The following WDCP variants were observed in gnomAD, a reference collection of about 807,000 sequenced individuals.
WDCP encodes WD repeat and coiled coil containing, also known as WD repeat and coiled-coil-containing protein.
In WDCP, 19 loss-of-function variants were observed where a neutral mutation model predicts 41.6. That is an observed-to-expected ratio of 0.46 (90% CI 0.32 to 0.67). WDCP has a LOEUF of 0.67. WDCP is among the 30% of genes least tolerant of loss of function. The pLI is 0.04. For synonymous variants in WDCP, 302 were observed against 320.8 expected (o/e 0.94, Z 0.63); for missense variants, 802 against 850.7 (o/e 0.94, Z 0.71).
intron 2 of WDCP, among the ~76,000 whole-genome samples, chr2:24,033,482 C>T (rs535496705): frequency 8.5e-5 from 13 of 152,156 alleles, no homozygotes; most frequent in Non-Finnish European, 1.5e-4. Context: ...TGGCTCACCC[C>T]TTAGTACCAA....
chr2:24,038,721 G>A lies in WDCP; in HGVS notation c.774C>T (p.Arg258=), dbSNP rs1663332621. ...AATCAGTTGCCTCTTTATCCATAGA[G>A]CGTACTTCACCAATAACTGGTAAAG... is the stretch of plus-strand genomic sequence containing the variant. ...PYALPVIGEV[R]SMDKEATDSE... The change falls in exon 2 of 4, where the codon CGC becomes CGT. Residue 258 remains arginine (R), a synonymous_variant. Coordinates refer to ENST00000295148, the MANE Select transcript of WDCP (RefSeq NM_025203.3). 6.2e-7 allele frequency: 1 copy of A among 1,614,170 alleles called. No homozygotes were observed. The highest frequency in any genetic ancestry group is 8.5e-7 in the Non-Finnish European group (1 of 1,180,004).
rs1337863408 is a variant in WDCP, at chr2:24,039,338, C to G, written c.157G>C (p.Val53Leu). The change falls in exon 2 of 4, where the codon GTC becomes CTC. Residue 53 changes from valine to leucine, a missense_variant. Coordinates refer to ENST00000295148, the MANE Select transcript of WDCP (RefSeq NM_025203.3). ...SGEVKFGDSK[V>L]IGQFECVCGL... ...CAGACACATTCAAACTGTCCAATGA[C>G]TTTGGAGTCCCCAAACTTGACCTCT... The G allele has an allele frequency of 3.1e-6, 5 of 1,614,142 alleles. No homozygotes were observed. Among genetic ancestry groups the G allele is most frequent in the Non-Finnish European group, 4.2e-6 (5 of 1,180,050 alleles).
rs143637814 is a variant in WDCP, at chr2:24,040,886, C to T, written c.-18-1374G>A. Among the ~76,000 whole-genome samples, 5 of 152,172 alleles carry T rather than the reference C, an allele frequency of 3.3e-5. No individual in the cohort carries two copies. In the East Asian group the frequency reaches 9.6e-4, roughly 29 times the overall value. On this transcript the variant is annotated intron_variant, in intron 1 of 3. Coordinates refer to ENST00000295148, the MANE Select transcript of WDCP (RefSeq NM_025203.3). ...ACAAAATTAGCCAAGTGTGGTGGTG[C>T]ATGCCTATACTCCCAGCTACTTAGA...
At chr2:24,045,235 A>G (rs1215441319) in intron 1 of WDCP, among the ~76,000 whole-genome samples, 1 of 152,230 alleles carries the variant, frequency 6.6e-6, no homozygotes, top group Non-Finnish European at 1.5e-5. Context: ...GGAAAAAAGA[A>G]TTAAGGATAA....
At chr2:24,032,492 G>A (rs921636826) in intron 3 of WDCP, among the ~76,000 whole-genome samples, 1 of 152,134 alleles carries the variant, frequency 6.6e-6, no homozygotes, top group Non-Finnish European at 1.5e-5. Context: ...GGCAGAGCAA[G>A]ACTCCATCTC....
chr2:24,039,561 C>G, intron 1 of WDCP, 49 bp from the exon 2 acceptor site: 1 of 1,540,406 alleles, frequency 6.5e-7, no homozygotes, highest in South Asian at 1.2e-5. Context: ...CTAGACAAAT[C>G]TAGAATGTAG....
rs770988156 is a variant in WDCP at position 24,039,520 on chromosome 2, G to C, written c.-18-8C>G. 1.7e-5 allele frequency: 27 copies of C among 1,598,866 alleles called. No homozygotes were observed. Among genetic ancestry groups the C allele is most frequent in the Non-Finnish European group, 2.2e-5 (26 of 1,169,972 alleles). ...CCTTTTGATAAAGGTTACCTGAAAT[G>C]ATTAAGAAGGAAAGTTACACCATGA... On this transcript the variant is annotated splice_region_variant and splice_polypyrimidine_tract_variant and intron_variant, in intron 1 of 3. Coordinates refer to ENST00000295148, the MANE Select transcript of WDCP (RefSeq NM_025203.3).
At chr2:24,039,553 AG>A in intron 1 of WDCP, 41 bp from the exon 2 acceptor site, 1 of 1,554,390 alleles carries the variant, frequency 6.4e-7, no homozygotes, top group East Asian at 2.3e-5. Context: ...TGAGAAATCT[AG>A]ACAAATCTAG....
At chr2:24,032,641 G>A (rs534827558) in intron 3 of WDCP, among the ~76,000 whole-genome samples, 188 bp downstream of exon 3, 62 of 152,216 alleles carry the variant, frequency 4.1e-4, no homozygotes, top group Middle Eastern at 3.4e-3. Context: ...TGATCACACC[G>A]AGGCACTCTG....
intron 2 of WDCP, among the ~76,000 whole-genome samples, chr2:24,037,051 G>A (rs565830433): frequency 2.0e-5 from 3 of 152,272 alleles, no homozygotes; most frequent in South Asian, 2.1e-4. Flanking sequence ...TCTTTGAGAC[G>A]GAGTCTCGCC....
At chr2:24,041,684 C>G (rs1663437837) in intron 1 of WDCP, among the ~76,000 whole-genome samples, 1 of 151,394 alleles carries the variant, frequency 6.6e-6, no homozygotes, top group African/African-American at 2.4e-5. Context: ...GAAACCCCAT[C>G]TCTACTCAAA....
In WDCP at chr2:24,038,664, A is replaced by G; in HGVS notation, c.831T>C (p.Ser277=). The part of the protein sequence containing the change: ...SETNSEVSVS[S]SYLEPLDLTH... The stretch of plus-strand genomic sequence containing the variant: ...TTAGATCCAGAGGTTCTAAATAGGA[A>G]GAAGAAACTGATACTTCAGAATTTG... The change falls in exon 2 of 4, where the codon TCT becomes TCC. Residue 277 remains serine, a synonymous_variant. Coordinates refer to ENST00000295148, the MANE Select transcript of WDCP (RefSeq NM_025203.3). 2.5e-6 allele frequency: 4 copies of G among 1,614,242 alleles called. No individual in the cohort carries two copies. The South Asian group carries it at 4.4e-5, about 18-fold the overall frequency.
intron 1 of WDCP, 72 bp from the exon 2 acceptor site, chr2:24,039,584 G>GCCGTTGTCTT: frequency 5.0e-6 from 7 of 1,399,436 alleles, no homozygotes; most frequent in African/African-American, 1.4e-5. Context: ...CATTTGGTAA[G>GCCGTTGTCTT]ACAACGGCTT....
intron 1 of WDCP, among the ~76,000 whole-genome samples, chr2:24,044,817 TAAAAA>T (rs747340836): frequency 4.8e-5 from 5 of 103,918 alleles, no homozygotes; most frequent in Admixed American, 1.1e-4. Flanking sequence ...GAATTATCTT[TAAAAA>T]AAAAAAAAAA....
At chr2:24,035,342 A>G (rs1663211562) in intron 2 of WDCP, among the ~76,000 whole-genome samples, 1 of 130,516 alleles carries the variant, frequency 7.7e-6, no homozygotes, top group Non-Finnish European at 1.7e-5. Context: ...AGGGGAAATA[A>G]AAATACATAA....
At chr2:24,040,530 A>G (rs995407888) in intron 1 of WDCP, among the ~76,000 whole-genome samples, 12 of 152,240 alleles carry the variant, frequency 7.9e-5, no homozygotes, top group African/African-American at 2.4e-4. Flanking sequence ...ACACTCAAAA[A>G]TCACTGTTTC....
intron 2 of WDCP, among the ~76,000 whole-genome samples, chr2:24,035,997 A>G (rs1253201330): frequency 6.6e-6 from 1 of 151,506 alleles, no homozygotes; most frequent in Non-Finnish European, 1.5e-5. Context: ...AGAACCTGGG[A>G]GTTGGAGGTT....
rs1161289326 is a variant in WDCP at position 24,030,844 on chromosome 2, G to C, written c.*89C>G. ...GCAAGCGCTTCGCCTGAGTGCAGTG[G>C]GAGTCTCATTGGCGAGTGTCCAGTG... On this transcript the variant is annotated 3_prime_UTR_variant, in exon 4 of 4. Coordinates refer to ENST00000295148, the MANE Select transcript of WDCP (RefSeq NM_025203.3). The C allele has an allele frequency of 1.0e-5, 10 of 999,510 alleles. No individual in the cohort carries two copies. Among genetic ancestry groups the C allele is most frequent in the Non-Finnish European group, 1.5e-5 (10 of 658,894 alleles). 61.9% of individuals were successfully genotyped at this position (999,510 alleles called of 1,614,324 possible).
At chr2:24,042,849 C>T (rs1185398917) in intron 1 of WDCP, among the ~76,000 whole-genome samples, 1 of 151,544 alleles carries the variant, frequency 6.6e-6, no homozygotes, top group East Asian at 1.9e-4. Context: ...GCCTGACCAA[C>T]ATGGAGAAAC....
Sources: allele counts gnomAD v4.1 joint callset (sites outside exome capture counted in the v4.1 genomes callset), GRCh38; gene constraint gnomAD v4.1.1; transcripts MANE v1.5; gene names NCBI Gene and HGNC (gene_info 2026-07-23, HGNC 2026-07-21).